RAB18: variants seen among roughly 807,000 people sequenced by gnomAD.
The protein encoded by RAB18 is ras-related protein Rab-18.
Under a neutral mutation model 28.5 loss-of-function variants are expected in RAB18, and 10 were observed. The observed-to-expected ratio is 0.35, with a 90% confidence interval of 0.22 to 0.60. RAB18 has a LOEUF of 0.60. RAB18 is among the 20% of genes least tolerant of loss of function. The probability of loss-of-function intolerance (pLI) is 0.78; values close to 1 mark genes in which losing one functional copy is unlikely to be tolerated. For synonymous variants in RAB18, 93 were observed against 86.9 expected (o/e 1.07, Z -0.39); for missense variants, 188 against 244.2 (o/e 0.77, Z 1.53).
At position 27,532,455 on chromosome 10, in the gene RAB18, AT is replaced by A. The variant is rs982385919; in HGVS notation, c.187-50del. The A allele has an allele frequency of 2.7e-5, 35 of 1,320,682 alleles. No individual in the cohort carries two copies. In the African/African-American group the frequency reaches 4.6e-4, roughly 18 times the overall value. The allele number at this position is 1,320,682 out of a possible 1,614,324, so 81.8% of individuals were successfully genotyped here. ...TGACTTTCTACTCTTAAACTAGTAT[AT>A]TGAAGGTCTATTTATACTTTGTTTA... On this transcript the variant is annotated intron_variant, in intron 3 of 6. Coordinates refer to ENST00000356940, the MANE Select transcript of RAB18 (RefSeq NM_021252.5).
intron 2 of RAB18, among the ~76,000 whole-genome samples, chr10:27,516,631 G>A (rs183167837): frequency 1.2e-3 from 181 of 151,548 alleles, no homozygotes; most frequent in African/African-American, 4.0e-3. Context: ...CTATACCTTA[G>A]TCAGAAGGCT....
rs1339183637 is a variant in RAB18 at position 27,540,294 on chromosome 10, C to G, written c.*2243C>G. 4.4e-6 allele frequency: 2 copies of G among 454,022 alleles called. No individual in the cohort carries two copies. Among genetic ancestry groups the G allele is most frequent in the Admixed American group, 4.7e-5 (2 of 42,570 alleles). 28.1% of individuals were successfully genotyped at this position (454,022 alleles called of 1,614,324 possible). A position where few individuals can be genotyped will look rare whatever the true frequency, so the allele number is the denominator to read the frequency against. On this transcript the variant is annotated 3_prime_UTR_variant, in exon 7 of 7. Transcript: ENST00000356940. ...GCCCATTTTAAAGGTGAGGACAACA[C>G]AATGTAGGTATGTTAGGTAACCCCC... is the stretch of plus-strand genomic sequence containing the variant.
chr10:27,538,856 A>G lies in RAB18; in HGVS notation c.*805A>G. 1 of 454,038 alleles carries G rather than the reference A, an allele frequency of 2.2e-6. No homozygotes were observed. The highest frequency in any genetic ancestry group is 4.4e-6 in the Non-Finnish European group (1 of 226,738). The allele number at this position is 454,038 out of a possible 1,614,324, so 28.1% of individuals were successfully genotyped here. A position where few individuals can be genotyped will look rare whatever the true frequency, so the allele number is the denominator to read the frequency against. ...AACTCCTCATACACTTTTAAAACCA[A>G]CATCTTTTTTCATAAATGTTGGTAG... is the stretch of plus-strand genomic sequence containing the variant. On this transcript the variant is annotated 3_prime_UTR_variant, in exon 7 of 7. Transcript: ENST00000356940.
intron 2 of RAB18, among the ~76,000 whole-genome samples, chr10:27,511,874 G>A (rs531516234): frequency 6.6e-6 from 1 of 152,306 alleles, no homozygotes; most frequent in South Asian, 2.1e-4. Flanking sequence ...TTCCAACTGT[G>A]ATGGTTATCA....
rs1245218321 is a variant in RAB18 at position 27,527,134 on chromosome 10, T to A, written c.186+245T>A. ...AATATTTCAAAACAGAACAGAATAT[T>A]AAAAAATCATCTCATCTGCCAAAGA... On this transcript the variant is annotated intron_variant, in intron 3 of 6. Coordinates refer to ENST00000356940, the MANE Select transcript of RAB18 (RefSeq NM_021252.5). 5.1e-6 allele frequency: 3 copies of A among 590,352 alleles called. No individual in the cohort carries two copies. In the East Asian group the frequency reaches 1.1e-4, roughly 22 times the overall value. The allele number at this position is 590,352 out of a possible 1,614,324, so 36.6% of individuals were successfully genotyped here. A position where few individuals can be genotyped will look rare whatever the true frequency, so the allele number is the denominator to read the frequency against.
chr10:27,516,590 G>A (rs1589567793), intron 2 of RAB18, among the ~76,000 whole-genome samples: 1 of 151,422 alleles, frequency 6.6e-6, no homozygotes, highest in African/African-American at 2.4e-5. Context: ...AGAAATCTTT[G>A]ATTTCTATAC....
At position 27,539,073 on chromosome 10, in the gene RAB18, C is replaced by G. The variant is rs773921512; in HGVS notation, c.*1022C>G. ...TCTGATGTGTGAGGGAAAATACTGT[C>G]ACAATGAAAATCTTGACAATTTACT... On this transcript the variant is annotated 3_prime_UTR_variant, in exon 7 of 7. Coordinates refer to ENST00000356940, the MANE Select transcript of RAB18 (RefSeq NM_021252.5). 1 of 427,492 alleles carries G rather than the reference C, an allele frequency of 2.3e-6. No individual in the cohort carries two copies. The highest frequency in any genetic ancestry group is 1.7e-5 in the South Asian group (1 of 60,204). 26.5% of individuals were successfully genotyped at this position (427,492 alleles called of 1,614,324 possible). A position where few individuals can be genotyped will look rare whatever the true frequency, so the allele number is the denominator to read the frequency against.
rs1834933066 is a variant in RAB18 at position 27,537,899 on chromosome 10, G to A, written c.469G>A (p.Gly157Ser). 1.9e-6 allele frequency: 3 copies of A among 1,613,950 alleles called. No individual in the cohort carries two copies. The highest frequency in any genetic ancestry group is 2.7e-5 in the African/African-American group (2 of 74,898). Residue 157 changes from glycine to serine, a missense_variant, in exon 7 of 7, where the codon GGT becomes AGT. Coordinates refer to ENST00000356940, the MANE Select transcript of RAB18 (RefSeq NM_021252.5). Reference protein sequence around the residue: ...FIEASAKTCDGVQCAFEELVE... With the variant: ...FIEASAKTCDSVQCAFEELVE... The stretch of plus-strand genomic sequence containing the variant: ...AGAGGCAAGTGCAAAAACCTGTGAT[G>A]GTGTACAATGTGCCTTTGAAGAACT...
At position 27,537,616 on chromosome 10, in the gene RAB18, C is replaced by G. The variant is rs769219347; in HGVS notation, c.446-260C>G. Among the ~76,000 whole-genome samples the G allele has an allele frequency of 2.6e-5, 4 of 152,152 alleles. No individual in the cohort carries two copies. The East Asian group carries it at 7.7e-4, about 29-fold the overall frequency. On this transcript the variant is annotated intron_variant, in intron 6 of 6. Transcript: ENST00000356940. The stretch of plus-strand genomic sequence containing the variant: ...TATTTAAGTAGGGCTTTACAAGTTA[C>G]AATTCTATCACAGTTTTAAGATTAT...
chr10:27,534,116 T>C (rs1346262937), intron 6 of RAB18, 122 bp downstream of exon 6: 1 of 932,774 alleles, frequency 1.1e-6, no homozygotes, highest in Non-Finnish European at 1.7e-6. Context: ...CCTAGTTGCC[T>C]TGTGTTACAA....
chr10:27,522,895 T>C (rs1192981605), intron 2 of RAB18, among the ~76,000 whole-genome samples: 1 of 152,156 alleles, frequency 6.6e-6, no homozygotes, highest in Non-Finnish European at 1.5e-5. Context: ...TTTTTTGTCT[T>C]CTTTTTCCTG....
intron 2 of RAB18, among the ~76,000 whole-genome samples, chr10:27,520,111 A>G (rs971523284): frequency 1.3e-5 from 2 of 152,192 alleles, no homozygotes; most frequent in African/African-American, 4.8e-5. Flanking sequence ...TTAAAGTTCA[A>G]CTGTTCTTGC....
intron 1 of RAB18, among the ~76,000 whole-genome samples, 157 bp from the exon 2 acceptor site, chr10:27,509,718 C>T (rs940370538): frequency 6.6e-6 from 1 of 152,130 alleles, no homozygotes; most frequent in Non-Finnish European, 1.5e-5. Context: ...TTTAATTTTT[C>T]TGTGTATACC....
chr10:27,504,916 T>G, intron 1 of RAB18: 1 of 523,622 alleles, frequency 1.9e-6, no homozygotes, highest in South Asian at 1.4e-5. Context: ...TCGTGACGCC[T>G]TAGGTCCCAT....
At chr10:27,520,566 T>C (rs929459319) in intron 2 of RAB18, among the ~76,000 whole-genome samples, 2 of 152,132 alleles carry the variant, frequency 1.3e-5, no homozygotes, top group Non-Finnish European at 1.5e-5. Context: ...CCTTAAGGTA[T>C]AAAGTTAGGT....
intron 1 of RAB18, 49 bp downstream of exon 1, chr10:27,504,486 C>T (rs1469198567): frequency 6.5e-7 from 1 of 1,540,436 alleles, no homozygotes; most frequent in East Asian, 2.4e-5. Context: ...CTCTTTCTGC[C>T]CCGGTGGCTG....
At chr10:27,528,204 AT>A (rs1564834798) in intron 3 of RAB18, 1 of 415,400 alleles carries the variant, frequency 2.4e-6, no homozygotes, top group East Asian at 7.0e-5. Flanking sequence ...TTTTTCTCTC[AT>A]AGTTTCGTTT....
intron 1 of RAB18, among the ~76,000 whole-genome samples, chr10:27,509,493 A>G (rs1834282427): frequency 6.6e-6 from 1 of 152,186 alleles, no homozygotes; most frequent in Admixed American, 6.5e-5. Context: ...GTTGCATTCT[A>G]AGAGACTTTA....
Position 27,537,982 on chromosome 10 carries a change from A to T in RAB18, c.552A>T (p.Gly184=). The change falls in exon 7 of 7, where the codon GGA becomes GGT. Residue 184 remains glycine (G), a synonymous_variant. Transcript: ENST00000356940. Reference sequence around the variant, plus strand: ...GGGAAAGTGAGAACCAGAATAAAGGAGTCAAACTGTCACACAGGGAAGAAG... The same window carrying T: ...GGGAAAGTGAGAACCAGAATAAAGGTGTCAAACTGTCACACAGGGAAGAAG... ...GLWESENQNK[G]VKLSHREEGQ... is the part of the protein sequence containing the mutation. The T allele has an allele frequency of 3.1e-6, 5 of 1,614,124 alleles. No individual in the cohort carries two copies. The highest frequency in any genetic ancestry group is 4.2e-6 in the Non-Finnish European group (5 of 1,179,994).
Sources: gnomAD v4.1 joint callset for allele counts (sites outside exome capture counted in the v4.1 genomes callset) on GRCh38, gnomAD v4.1.1 for gene constraint, MANE v1.5 for transcripts, NCBI Gene and HGNC (gene_info 2026-07-23, HGNC 2026-07-21) for gene names.